BBS9: variants seen among roughly 807,000 people sequenced by gnomAD.
The protein encoded by BBS9 is protein PTHB1.
BBS9 carries 89 observed loss-of-function variants against 117.7 expected under a neutral mutation model. That is an observed-to-expected ratio of 0.76 (90% CI 0.64 to 0.90). The LOEUF is 0.90. Ranked by LOEUF, BBS9 falls within the 40% of genes least tolerant of loss-of-function variation. The probability of loss-of-function intolerance (pLI) is 0.00; values close to 1 mark genes in which losing one functional copy is unlikely to be tolerated. For synonymous variants in BBS9, 379 were observed against 370.9 expected (o/e 1.02, Z -0.25); for missense variants, 982 against 1,042.2 (o/e 0.94, Z 0.80).
At position 33,362,447 on chromosome 7, in the gene BBS9, A is replaced by G. The variant is rs190512991; in HGVS notation, c.1693+4452A>G. Among the ~76,000 whole-genome samples the G allele has an allele frequency of 4.6e-5, 7 of 152,104 alleles. No individual in the cohort carries two copies. In the East Asian group the frequency reaches 1.4e-3, roughly 29 times the overall value. On this transcript the variant is annotated intron_variant, in intron 16 of 22. Transcript: ENST00000242067. ...CATTTTGTGCTGATATTTATGTGTG[A>G]TGTGAGGGATGGATGAAATTCATGT...
chr7:33,170,129 G>C (rs1796313477), intron 4 of BBS9, among the ~76,000 whole-genome samples: 1 of 151,612 alleles, frequency 6.6e-6, no homozygotes, highest in African/African-American at 2.4e-5. Context: ...TGATACCAAA[G>C]CCTGGAAGAG....
intron 19 of BBS9, among the ~76,000 whole-genome samples, chr7:33,396,432 G>T (rs1476382230): frequency 6.6e-6 from 1 of 152,102 alleles, no homozygotes; most frequent in East Asian, 1.9e-4. Context: ...TGAAATAGAT[G>T]TGTCTATAAT....
chr7:33,469,392 T>A (rs1026881458), intron 19 of BBS9, among the ~76,000 whole-genome samples: 1 of 152,198 alleles, frequency 6.6e-6, no homozygotes, highest in African/African-American at 2.4e-5. Context: ...TCATGGACTT[T>A]ATAGCCATTT....
chr7:33,274,054 T>G, intron 9 of BBS9, 98 bp downstream of exon 9: 1 of 1,345,838 alleles, frequency 7.4e-7, no homozygotes, highest in African/African-American at 1.5e-5. Context: ...TATTAAAAAA[T>G]TACAGGTGAC....
At chr7:33,227,843 TTATC>T (rs1791593598) in intron 5 of BBS9, among the ~76,000 whole-genome samples, 2 of 152,200 alleles carry the variant, frequency 1.3e-5, no homozygotes, top group Admixed American at 1.3e-4. Context: ...CATATTTTCT[TTATC>T]TACTTGTTGG....
In BBS9 at chr7:33,565,819, A is replaced by ACCGC. The variant is rs1563370126; in HGVS notation, c.2521+31643_2521+31644insCCGC. Among the ~76,000 whole-genome samples, 485 of 59,740 alleles carry ACCGC rather than the reference A, an allele frequency of 8.1e-3. 18 individuals carry two copies. Among genetic ancestry groups the ACCGC allele is most frequent in the African/African-American group, 0.06 (321 of 5,324 alleles). 39.2% of individuals were successfully genotyped at this position (59,740 alleles called of 152,430 possible). A position where few individuals can be genotyped will look rare whatever the true frequency, so the allele number is the denominator to read the frequency against. On this transcript the variant is annotated intron_variant, in intron 21 of 22. Coordinates refer to ENST00000242067, the MANE Select transcript of BBS9 (RefSeq NM_198428.3). Reference sequence around the variant, plus strand: ...TATATATATATATATATATATATATATATATATACCGCTATATATACTGCT... The same window carrying ACCGC: ...TATATATATATATATATATATATATACCGCTATATATACCGCTATATATACTGCT...
chr7:33,163,354 T>C (rs189970560), intron 4 of BBS9, among the ~76,000 whole-genome samples: 37 of 152,316 alleles, frequency 2.4e-4, no homozygotes, highest in African/African-American at 7.7e-4. Context: ...TAAAAACAGT[T>C]AGGGAAGATT....
chr7:33,401,399 C>T (rs1017283572), intron 19 of BBS9, among the ~76,000 whole-genome samples: 13 of 152,154 alleles, frequency 8.5e-5, no homozygotes, highest in Non-Finnish European at 1.9e-4. Context: ...CAAGTGTGAG[C>T]GACCAGTGGC....
intron 21 of BBS9, among the ~76,000 whole-genome samples, chr7:33,613,862 T>C (rs1303921881): frequency 2.6e-5 from 4 of 152,040 alleles, no homozygotes; most frequent in Non-Finnish European, 5.9e-5. Flanking sequence ...CACCAAGGCT[T>C]GGACTTCTAC....
chr7:33,421,001 C>T (rs1349716502), intron 19 of BBS9, among the ~76,000 whole-genome samples: 1 of 152,108 alleles, frequency 6.6e-6, no homozygotes, highest in East Asian at 1.9e-4. Context: ...CTTGGGCCAA[C>T]ACAAATTGAT....
At chr7:33,633,510 CTT>C (rs894796851) in intron 21 of BBS9, among the ~76,000 whole-genome samples, 13 of 98,456 alleles carry the variant, frequency 1.3e-4, no homozygotes, top group Middle Eastern at 5.7e-3. Flanking sequence ...TAACTTTTTT[CTT>C]TTTTTTTTTT....
At chr7:33,403,033 T>C (rs2128795514) in intron 19 of BBS9, among the ~76,000 whole-genome samples, 1 of 152,332 alleles carries the variant, frequency 6.6e-6, no homozygotes, top group African/African-American at 2.4e-5. Context: ...ATTCTTTGTT[T>C]ATGACTGCAT....
At position 33,454,808 on chromosome 7, in the gene BBS9, T is replaced by C. The variant is rs536620455; in HGVS notation, c.2116-50655T>C. Among the ~76,000 whole-genome samples the C allele has an allele frequency of 3.2e-4, 48 of 152,258 alleles. 1 individual carries two copies. Among genetic ancestry groups the C allele is most frequent in the African/African-American group, 1.1e-3 (45 of 41,546 alleles). ...AGGGAATTCTGTGCTAAAAAGAACA[T>C]ATTTAGAAGGGAAGGTGCAGTCTCT... On this transcript the variant is annotated intron_variant, in intron 19 of 22. Coordinates refer to ENST00000242067, the MANE Select transcript of BBS9 (RefSeq NM_198428.3).
chr7:33,628,011 ACT>A (rs1281291845), intron 21 of BBS9, among the ~76,000 whole-genome samples: 1 of 151,786 alleles, frequency 6.6e-6, no homozygotes, highest in African/African-American at 2.4e-5. Context: ...ACTGAATGAG[ACT>A]CTGTCTCAAA....
intron 7 of BBS9, among the ~76,000 whole-genome samples, chr7:33,267,766 A>T (rs1170989555): frequency 6.6e-6 from 1 of 152,196 alleles, no homozygotes; most frequent in Non-Finnish European, 1.5e-5. Context: ...ATGACAAGAA[A>T]AATATGTATT....
At chr7:33,615,500 T>A (rs1865084904) in intron 21 of BBS9, among the ~76,000 whole-genome samples, 1 of 151,994 alleles carries the variant, frequency 6.6e-6, no homozygotes, top group Non-Finnish European at 1.5e-5. Context: ...AAAGAATTTC[T>A]GAGTTTGAGG....
At chr7:33,341,192 G>A (rs187169889) in intron 11 of BBS9, among the ~76,000 whole-genome samples, 14 of 152,242 alleles carry the variant, frequency 9.2e-5, no homozygotes, top group African/African-American at 2.9e-4. Flanking sequence ...AAGAAGTGGG[G>A]TTGTAGGGGA....
chr7:33,552,977 C>T (rs1459264834), intron 21 of BBS9, among the ~76,000 whole-genome samples: 2 of 152,102 alleles, frequency 1.3e-5, no homozygotes, highest in Non-Finnish European at 2.9e-5. Flanking sequence ...ACAAATCTTC[C>T]TTCACTTCTA....
intron 16 of BBS9, among the ~76,000 whole-genome samples, chr7:33,366,533 T>C (rs1318799246): frequency 9.1e-5 from 13 of 142,440 alleles, no homozygotes; most frequent in African/African-American, 3.1e-4. Flanking sequence ...TTTTTTTTTT[T>C]CTTTTCTTTC....
Sources: allele counts gnomAD v4.1 joint callset (sites outside exome capture counted in the v4.1 genomes callset), GRCh38; gene constraint gnomAD v4.1.1; transcripts MANE v1.5; gene names NCBI Gene and HGNC (gene_info 2026-07-23, HGNC 2026-07-21).